Variants in KCND3 observed in about 807,000 individuals in gnomAD.
The protein encoded by KCND3 is A-type voltage-gated potassium channel KCND3.
A neutral mutation model predicts 51.1 loss-of-function variants in KCND3; 9 were observed. That is an observed-to-expected ratio of 0.18 (90% CI 0.11 to 0.31). KCND3 has a LOEUF of 0.31. Among genes scored for constraint, KCND3 ranks in the 10% least tolerant of loss-of-function variants. The pLI is 1.00. For synonymous variants in KCND3, 349 were observed against 368.0 expected (o/e 0.95, Z 0.59); for missense variants, 526 against 903.8 (o/e 0.58, Z 5.36).
At chr1:111,971,578 A>G (rs1674333137) in intron 2 of KCND3, among the ~76,000 whole-genome samples, 1 of 151,504 alleles carries the variant, frequency 6.6e-6, no homozygotes. Context: ...AATCTCATCT[A>G]TTTTTTCTGC....
In KCND3 at chr1:111,778,464, A is replaced by G. The variant is rs922265666; in HGVS notation, c.1490T>C (p.Leu497Pro). The change falls in exon 6 of 8, where the codon CTG (leucine) becomes CCG (proline). Residue 497 changes from leucine (L) to proline (P), a missense_variant. Physicochemically the swap from Leu to Pro is moderately conservative, Grantham distance 98. Coordinates refer to ENST00000302127, the MANE Select transcript of KCND3 (RefSeq NM_001378969.1). ...GATGGTGGAGGTTCGTACAGATAAC[A>G]GGGGATCATCCACAAGATAGGACAA... ...TGLSYLVDDP[L>P]LSVRTSTIKN... 5 of 1,613,922 alleles carry G rather than the reference A, an allele frequency of 3.1e-6. No homozygotes were observed. Among genetic ancestry groups the G allele is most frequent in the Non-Finnish European group, 3.4e-6 (4 of 1,179,906 alleles).
At chr1:111,874,751 C>G (rs941105810) in intron 2 of KCND3, among the ~76,000 whole-genome samples, 1 of 152,180 alleles carries the variant, frequency 6.6e-6, no homozygotes, top group Non-Finnish European at 1.5e-5. Flanking sequence ...ATGACACACA[C>G]GCCTTTTCTT....
At chr1:111,823,535 A>G (rs1666441436) in intron 2 of KCND3, among the ~76,000 whole-genome samples, 1 of 152,094 alleles carries the variant, frequency 6.6e-6, no homozygotes, top group South Asian at 2.1e-4. Flanking sequence ...TTTTTTAATG[A>G]TGCTGGTTTT....
At position 111,976,019 on chromosome 1, in the gene KCND3, G is replaced by A. The variant is rs376705316; in HGVS notation, c.1106+5602C>T. Among the ~76,000 whole-genome samples the A allele has an allele frequency of 1.5e-4, 23 of 152,170 alleles. No individual in the cohort carries two copies. The East Asian group carries it at 2.5e-3, about 17-fold the overall frequency. ...TCAGCACTCCATACTTGTCATATCC[G>A]GCTTTAATTTTCTCTGCAACCTGAT... On this transcript the variant is annotated intron_variant, in intron 2 of 7. Coordinates refer to ENST00000302127, the MANE Select transcript of KCND3 (RefSeq NM_001378969.1).
intron 2 of KCND3, among the ~76,000 whole-genome samples, chr1:111,810,190 C>T (rs980443330): frequency 3.3e-5 from 5 of 152,020 alleles, no homozygotes; most frequent in African/African-American, 7.3e-5. Flanking sequence ...ACTGGGTGAG[C>T]GACTGTGGCT....
intron 2 of KCND3, among the ~76,000 whole-genome samples, chr1:111,964,818 G>A (rs1160863720): frequency 6.6e-6 from 1 of 152,122 alleles, no homozygotes; most frequent in Non-Finnish European, 1.5e-5. Context: ...CTGGGGCACT[G>A]AGGGCTGCTT....
intron 2 of KCND3, among the ~76,000 whole-genome samples, chr1:111,924,362 G>A (rs550147522): frequency 6.6e-6 from 1 of 152,334 alleles, no homozygotes; most frequent in East Asian, 1.9e-4. Context: ...AGGAGATTCT[G>A]GAGAACATTA....
At chr1:111,782,214 GGGGT>G in intron 3 of KCND3, among the ~76,000 whole-genome samples, 1 of 152,208 alleles carries the variant, frequency 6.6e-6, no homozygotes, top group Non-Finnish European at 1.5e-5. Context: ...CACAGTCTCA[GGGGT>G]TCAGGTGGAC....
chr1:111,810,331 C>G (rs1665790969), intron 2 of KCND3, among the ~76,000 whole-genome samples: 2 of 152,196 alleles, frequency 1.3e-5, no homozygotes, highest in African/African-American at 4.8e-5. Flanking sequence ...GAGGGCAGCT[C>G]TCATGCTGGG....
intron 2 of KCND3, among the ~76,000 whole-genome samples, chr1:111,969,837 T>A (rs1343564478): frequency 2.0e-5 from 3 of 152,082 alleles, no homozygotes; most frequent in African/African-American, 7.2e-5. Flanking sequence ...CCTCTCTCCA[T>A]CTCAAAACCA....
chr1:111,980,749 C>T (rs181201479), intron 2 of KCND3, among the ~76,000 whole-genome samples: 1 of 152,312 alleles, frequency 6.6e-6, no homozygotes, highest in East Asian at 1.9e-4. Context: ...CTGTAATCTC[C>T]TTCCTGAGCC....
intron 2 of KCND3, among the ~76,000 whole-genome samples, chr1:111,919,086 C>T (rs530247344): frequency 2.6e-5 from 4 of 151,532 alleles, no homozygotes; most frequent in Non-Finnish European, 5.9e-5. Context: ...TGCCTTCATT[C>T]ATTAATTCAT....
chr1:111,799,587 C>G (rs1276681803), intron 2 of KCND3, among the ~76,000 whole-genome samples: 1 of 152,204 alleles, frequency 6.6e-6, no homozygotes, highest in Non-Finnish European at 1.5e-5. Flanking sequence ...GTACCTGAGT[C>G]TATTCCTATT....
intron 2 of KCND3, among the ~76,000 whole-genome samples, chr1:111,882,328 G>A (rs1669370169): frequency 6.6e-6 from 1 of 152,234 alleles, no homozygotes; most frequent in Admixed American, 6.5e-5. Context: ...GAGTGGGGCA[G>A]GGCCTCTGGC....
At chr1:111,987,240 A>G (rs1457353598) in intron 1 of KCND3, among the ~76,000 whole-genome samples, 1 of 152,056 alleles carries the variant, frequency 6.6e-6, no homozygotes, top group African/African-American at 2.4e-5. Flanking sequence ...CCCTAAGCCA[A>G]TCTCCAAGGA....
chr1:111,911,983 A>C (rs1458387408), intron 2 of KCND3, among the ~76,000 whole-genome samples: 2 of 152,218 alleles, frequency 1.3e-5, no homozygotes, highest in Non-Finnish European at 2.9e-5. Context: ...TGAGGCAGCT[A>C]GAGTGTGCAG....
chr1:111,893,074 T>G (rs915589866), intron 2 of KCND3, among the ~76,000 whole-genome samples: 1 of 152,242 alleles, frequency 6.6e-6, no homozygotes, highest in East Asian at 1.9e-4. Flanking sequence ...TGCTCTGGGC[T>G]GAGCTGGCTG....
At chr1:111,961,479 C>A (rs1490139300) in intron 2 of KCND3, among the ~76,000 whole-genome samples, 3 of 152,198 alleles carry the variant, frequency 2.0e-5, no homozygotes, top group African/African-American at 7.2e-5. Context: ...TTGACCTCTG[C>A]TTAGTGCAGG....
chr1:111,838,679 AAACAACAAC>A (rs376997509), intron 2 of KCND3, among the ~76,000 whole-genome samples: 2 of 151,956 alleles, frequency 1.3e-5, no homozygotes, highest in East Asian at 1.9e-4. Flanking sequence ...ACAAAAGCAA[AAACAACAAC>A]AACAACAACA....
Sources: gnomAD v4.1 joint callset for allele counts (sites outside exome capture counted in the v4.1 genomes callset) on GRCh38, gnomAD v4.1.1 for gene constraint, MANE v1.5 for transcripts, NCBI Gene and HGNC (gene_info 2026-07-23, HGNC 2026-07-21) for gene names.